Variants in MYH3 observed in about 807,000 individuals in gnomAD.
The protein encoded by MYH3 is myosin heavy chain 3.
A neutral mutation model predicts 238.0 loss-of-function variants in MYH3; 130 were observed. The ratio of observed to expected loss-of-function variants is 0.55; its 90% CI spans 0.47 to 0.63. The LOEUF (loss-of-function observed/expected upper bound fraction) is 0.63, where lower values mean the gene tolerates loss of function less well. Among genes scored for constraint, MYH3 ranks in the 30% least tolerant of loss-of-function variants. MYH3 has a pLI of 0.00. For synonymous variants in MYH3, 880 were observed against 924.1 expected (o/e 0.95, Z 0.86); for missense variants, 1,853 against 2,374.9 (o/e 0.78, Z 4.57).
At chr17:10,655,519 A>G (rs1473275960) in intron 2 of MYH3, among the ~76,000 whole-genome samples, 2 of 152,214 alleles carry the variant, frequency 1.3e-5, no homozygotes, top group African/African-American at 4.8e-5. Flanking sequence ...GAACCATTTC[A>G]ATCAAGGTGG....
In MYH3 at chr17:10,649,636, A is replaced by T; in HGVS notation, c.583T>A (p.Tyr195Asn). The T allele has an allele frequency of 6.2e-7, 1 of 1,614,234 alleles. No individual in the cohort carries two copies. Among genetic ancestry groups the T allele is most frequent in the Non-Finnish European group, 8.5e-7 (1 of 1,180,040 alleles). ...KTVNTKRVIQ[Y>N]FATIAATGDL... is the part of the protein sequence containing the mutation. ...CCAGTAGCTGCAATTGTTGCAAAGTACTGGATGACCCGTTTGGTGTTCACA... is the reference window on the plus strand; with the variant it reads ...CCAGTAGCTGCAATTGTTGCAAAGTTCTGGATGACCCGTTTGGTGTTCACA... Residue 195 changes from tyrosine to asparagine, a missense_variant, in exon 7 of 41, where the codon TAC becomes AAC. By Grantham distance (143) the Tyr-to-Asn change is moderately radical. Around this residue, in one of 3 missense-constraint regions of MYH3, gnomAD observed 678 missense variants for 1,058.9 expected, o/e 0.64. Coordinates refer to ENST00000583535, the MANE Select transcript of MYH3 (RefSeq NM_002470.4).
rs755001143 is a variant in MYH3, at chr17:10,640,046, G to A, written c.2632C>T (p.Leu878=). The A allele has an allele frequency of 3.1e-6, 5 of 1,613,920 alleles. No homozygotes were observed. Among genetic ancestry groups the A allele is most frequent in the South Asian group, 1.1e-5 (1 of 91,068 alleles). Residue 878 remains leucine, a synonymous_variant, in exon 22 of 41, where the codon CTG becomes TTG. Coordinates refer to ENST00000583535, the MANE Select transcript of MYH3 (RefSeq NM_002470.4). ...EAKRKELEEK[L]VTLVQEKNDL... Reference sequence around the variant, plus strand: ...TTCTTCTCTTGGACCAGAGTCACCAGTTTTTCCTCTAGCTCCTTCCTTTTT... The same window carrying A: ...TTCTTCTCTTGGACCAGAGTCACCAATTTTTCCTCTAGCTCCTTCCTTTTT...
rs191296405 is a variant in MYH3 at position 10,641,011 on chromosome 17, G to A, written c.2165+74C>T. 242 of 1,211,778 alleles carry A rather than the reference G, an allele frequency of 2.0e-4. 1 individual carries two copies. The highest frequency in any genetic ancestry group is 4.8e-4 in the East Asian group (21 of 43,326). The allele number at this position is 1,211,778 out of a possible 1,614,324, so 75.1% of individuals were successfully genotyped here. Reference sequence around the variant, plus strand: ...TCTTTCGAAATAGGTCTTTTCATACGAATCTTTCTCCCTCTCAAATTCCAG... The same window carrying A: ...TCTTTCGAAATAGGTCTTTTCATACAAATCTTTCTCCCTCTCAAATTCCAG... On this transcript the variant is annotated intron_variant, in intron 19 of 40. Transcript: ENST00000583535.
chr17:10,644,273 C>A, intron 14 of MYH3, 78 bp downstream of exon 14: 1 of 1,473,636 alleles, frequency 6.8e-7, no homozygotes, highest in Non-Finnish European at 9.5e-7. Context: ...CGCCATCTTG[C>A]TATCTTCCCT....
In MYH3 at chr17:10,632,469, C is replaced by A; in HGVS notation, c.4956+7G>T. On this transcript the variant is annotated splice_region_variant and intron_variant, in intron 34 of 40. Coordinates refer to ENST00000583535, the MANE Select transcript of MYH3 (RefSeq NM_002470.4). ...GAGAGGTTTTTCCCCGATGGGTTCT[C>A]TCAAACCTTCAGCTGTCCCTGGACA... 6.2e-7 allele frequency: 1 copy of A among 1,612,782 alleles called. No individual in the cohort carries two copies. Among genetic ancestry groups the A allele is most frequent in the Non-Finnish European group, 8.5e-7 (1 of 1,180,010 alleles).
intron 4 of MYH3, 102 bp downstream of exon 4, chr17:10,652,318 C>T (rs893731974): frequency 1.4e-5 from 20 of 1,418,098 alleles, no homozygotes; most frequent in Non-Finnish European, 1.9e-5. Context: ...TAGGCAAGCA[C>T]TCATCTTCCA....
Position 10,649,582 on chromosome 17 carries a change from T to C in MYH3, c.637A>G (p.Met213Val), listed in dbSNP as rs1438039119. The C allele has an allele frequency of 6.2e-7, 1 of 1,613,008 alleles. No homozygotes were observed. The highest frequency in any genetic ancestry group is 2.2e-5 in the East Asian group (1 of 44,878). The stretch of plus-strand genomic sequence containing the variant: ...CCTTCCTCTCCCATCTATACCTTCA[T>C]TTTGGAGTCCTTCTTCTTGGCCAGG... The part of the protein sequence containing the change: ...GDLAKKKDSK[M>V]KGTLEDQIIS... Residue 213 changes from methionine (M) to valine (V), a missense_variant, in exon 7 of 41, where the codon ATG (methionine) becomes GTG (valine). Coordinates refer to ENST00000583535, the MANE Select transcript of MYH3 (RefSeq NM_002470.4).
intron 19 of MYH3, 140 bp from the exon 20 acceptor site, chr17:10,640,826 T>A: frequency 9.0e-7 from 1 of 1,105,068 alleles, no homozygotes; most frequent in Non-Finnish European, 1.3e-6. Flanking sequence ...GTCACATTGC[T>A]AGAGAGCAGT....
chr17:10,629,233 C>A (rs111340039), intron 40 of MYH3, among the ~76,000 whole-genome samples: 30 of 152,054 alleles, frequency 2.0e-4, no homozygotes, highest in Non-Finnish European at 3.4e-4. Context: ...CCTGTGTCCA[C>A]GTGTTCTCAC....
At chr17:10,662,212 G>A (rs1011089399), upstream of MYH3, among the ~76,000 whole-genome samples, 1 of 151,940 alleles carries the variant, frequency 6.6e-6, no homozygotes, top group African/African-American at 2.4e-5. Flanking sequence ...AGTAGAGACC[G>A]GGTTTTCCTA....
Position 10,647,355 on chromosome 17 carries a change from C to G in MYH3, c.799+8G>C. 6.2e-7 allele frequency: 1 copy of G among 1,614,178 alleles called. No homozygotes were observed. The highest frequency in any genetic ancestry group is 8.5e-7 in the Non-Finnish European group (1 of 1,179,990). On this transcript the variant is annotated splice_region_variant and intron_variant, in intron 9 of 40. Coordinates refer to ENST00000583535, the MANE Select transcript of MYH3 (RefSeq NM_002470.4). ...GAGACGCCATCGAATCCCCATGGAT[C>G]TACTTACAAGTTTCAATATCTGCAG... is the stretch of plus-strand genomic sequence containing the variant.
chr17:10,638,134 C>T lies in MYH3; in HGVS notation c.3638G>A (p.Arg1213Gln), dbSNP rs773055884. 5.2e-5 allele frequency: 84 copies of T among 1,613,696 alleles called. No individual in the cohort carries two copies. Among genetic ancestry groups the T allele is most frequent in the Middle Eastern group, 1.6e-4 (1 of 6,084 alleles). ...CTCCTTCTCCAGCTTCTGCTTGACC[C>T]GCTGCAGGTTGTCAATCTGCTCCCC... ...ELGEQIDNLQ[R>Q]VKQKLEKEKS... The change falls in exon 27 of 41, where the codon CGG becomes CAG. Residue 1213 changes from arginine (R) to glutamine (Q), a missense_variant. By Grantham distance (43) the Arg-to-Gln change is conservative (BLOSUM62 1). This residue lies in a region of MYH3 where 1,044 missense variants were observed against 1,192.6 expected (regional missense o/e 0.88). Transcript: ENST00000583535.
In MYH3 at chr17:10,640,461, G is replaced by A; in HGVS notation, c.2298C>T (p.Phe766=). The A allele has an allele frequency of 6.2e-7, 1 of 1,614,240 alleles. No individual in the cohort carries two copies. ...CCAGGGTTCCCAGCAAGCCAGCCTT[G>A]AAGAACACCTTATGGGGCAGAAGGG... ...QYKFGHTKVF[F]KAGLLGTLEE... Residue 766 remains phenylalanine, a synonymous_variant, in exon 21 of 41, where the codon TTC becomes TTT. Coordinates refer to ENST00000583535, the MANE Select transcript of MYH3 (RefSeq NM_002470.4).
rs199762911 is a variant in MYH3 at position 10,632,620 on chromosome 17, G to A, written c.4812C>T (p.Ala1604=). ...TVETMQSALD[A]EVRSRNEAIR... is the part of the protein sequence containing the mutation. ...TGGCTTCATTCCTGCTCCGCACCTCGGCGTCCAGGGCGCTCTGCATGGTTT... is the reference window on the plus strand; with the variant it reads ...TGGCTTCATTCCTGCTCCGCACCTCAGCGTCCAGGGCGCTCTGCATGGTTT... The change falls in exon 34 of 41, where the codon GCC becomes GCT. Residue 1604 remains alanine, a synonymous_variant. Transcript: ENST00000583535. 126 of 1,614,062 alleles carry A rather than the reference G, an allele frequency of 7.8e-5. No homozygotes were observed. The highest frequency in any genetic ancestry group is 1.1e-4 in the East Asian group (5 of 44,856).
rs753754260 is a variant in MYH3 at position 10,641,194 on chromosome 17, C to T, written c.2056G>A (p.Glu686Lys). 1.2e-6 allele frequency: 2 copies of T among 1,614,006 alleles called. No homozygotes were observed. Among genetic ancestry groups the T allele is most frequent in the Non-Finnish European group, 1.7e-6 (2 of 1,179,912 alleles). Residue 686 changes from glutamate (E) to lysine (K), a missense_variant, in exon 19 of 41, where the codon GAA becomes AAA. By Grantham distance (56) the Glu-to-Lys change is moderately conservative (BLOSUM62 1). This residue lies in a region of MYH3 where 678 missense variants were observed against 1,058.9 expected (regional missense o/e 0.64). Coordinates refer to ENST00000583535, the MANE Select transcript of MYH3 (RefSeq NM_002470.4). ...PNETKTPGAMEHSLVLHQLRC... is the reference protein window; with the variant it reads ...PNETKTPGAMKHSLVLHQLRC... ...AGCTGGTGCAGAACAAGGCTGTGTT[C>T]CATAGCCCCTGGGAACAGAAGCGAG...
chr17:10,659,789 G>T (rs1235575089), upstream of MYH3, among the ~76,000 whole-genome samples: 6 of 152,206 alleles, frequency 3.9e-5, no homozygotes, highest in African/African-American at 1.4e-4. Context: ...GGAAACCGAA[G>T]GCAGGAGCCA....
At chr17:10,657,473 A>C (rs2074445158), upstream of MYH3, among the ~76,000 whole-genome samples, 1 of 152,186 alleles carries the variant, frequency 6.6e-6, no homozygotes, top group African/African-American at 2.4e-5. Flanking sequence ...ATTAGAAATG[A>C]GCAGGATCCA....
At chr17:10,643,899 C>A (rs1217277509) in intron 14 of MYH3, among the ~76,000 whole-genome samples, 7 of 152,114 alleles carry the variant, frequency 4.6e-5, no homozygotes, top group Non-Finnish European at 8.8e-5. Flanking sequence ...GTGGCTCATG[C>A]CTGTAATCCC....
intron 30 of MYH3, 137 bp downstream of exon 30, chr17:10,635,230 T>A: frequency 1.4e-6 from 2 of 1,446,496 alleles, no homozygotes; most frequent in Non-Finnish European, 9.5e-7. Flanking sequence ...TTTAATAAAA[T>A]GTGCTAACGC....
Sources: allele counts gnomAD v4.1 joint callset (sites outside exome capture counted in the v4.1 genomes callset), GRCh38; gene constraint gnomAD v4.1.1; regional missense constraint gnomAD v4.1.1; transcripts MANE v1.5; gene names NCBI Gene and HGNC (gene_info 2026-07-23, HGNC 2026-07-21).